CNTNAP2: variants seen among roughly 807,000 people sequenced by gnomAD.
CNTNAP2 encodes contactin associated protein 2.
In CNTNAP2, 98 loss-of-function variants were observed where a neutral mutation model predicts 155.2. That is an observed-to-expected ratio of 0.63 (90% CI 0.54 to 0.75). CNTNAP2 has a LOEUF of 0.75. Among genes scored for constraint, CNTNAP2 ranks in the 30% least tolerant of loss-of-function variants. The pLI is 0.00. For missense variants in CNTNAP2, 1,727 were observed against 1,688.1 expected (o/e 1.02, Z -0.40); for synonymous variants, 651 against 631.2 (o/e 1.03, Z -0.47).
At chr7:147,469,911 G>C (rs1215847320) in intron 10 of CNTNAP2, among the ~76,000 whole-genome samples, 1 of 152,138 alleles carries the variant, frequency 6.6e-6, no homozygotes, top group Non-Finnish European at 1.5e-5. Flanking sequence ...TATCCATGAA[G>C]TTTTGTGGGA....
chr7:147,683,004 T>G (rs948329613), intron 13 of CNTNAP2, among the ~76,000 whole-genome samples: 3 of 151,860 alleles, frequency 2.0e-5, no homozygotes, highest in Admixed American at 1.3e-4. Context: ...TAGGAAGGGC[T>G]CTAATGATCC....
intron 16 of CNTNAP2, among the ~76,000 whole-genome samples, chr7:148,120,385 G>A (rs1804572953): frequency 6.6e-6 from 1 of 151,728 alleles, no homozygotes; most frequent in Non-Finnish European, 1.5e-5. Flanking sequence ...TCCCACCTCA[G>A]CCTCCCAAGT....
intron 13 of CNTNAP2, among the ~76,000 whole-genome samples, chr7:147,774,361 T>C (rs1478755902): frequency 6.6e-6 from 1 of 152,202 alleles, no homozygotes; most frequent in Non-Finnish European, 1.5e-5. Context: ...ATTTGCTTTT[T>C]GGTTCACTAC....
At chr7:146,677,903 A>G (rs1184917606) in intron 1 of CNTNAP2, among the ~76,000 whole-genome samples, 1 of 151,978 alleles carries the variant, frequency 6.6e-6, no homozygotes, top group Non-Finnish European at 1.5e-5. Flanking sequence ...GGAGTGTTGG[A>G]GGGTGAAGGC....
chr7:146,866,265 C>T (rs1795203198), intron 3 of CNTNAP2, among the ~76,000 whole-genome samples: 1 of 151,976 alleles, frequency 6.6e-6, no homozygotes, highest in Admixed American at 6.6e-5. Flanking sequence ...ATGAAAATTC[C>T]AAACCTTTAA....
At chr7:146,234,271 G>C (rs1799434662) in intron 1 of CNTNAP2, among the ~76,000 whole-genome samples, 1 of 152,206 alleles carries the variant, frequency 6.6e-6, no homozygotes, top group African/African-American at 2.4e-5. Context: ...CTTCTTTTGA[G>C]AAGTATCTGT....
At chr7:146,792,075 C>T (rs73170338) in intron 2 of CNTNAP2, among the ~76,000 whole-genome samples, 21,592 of 152,034 alleles carry the variant, frequency 0.14, 1,890 homozygotes, top group South Asian at 0.28. Context: ...ATCCTGTTGC[C>T]GAATGAGAAT....
intron 1 of CNTNAP2, among the ~76,000 whole-genome samples, chr7:146,437,158 G>T (rs1451029091): frequency 2.6e-5 from 4 of 151,306 alleles, no homozygotes; most frequent in Middle Eastern, 3.2e-3. Flanking sequence ...GAGGGATTTA[G>T]GTTGCGCGCT....
intron 18 of CNTNAP2, among the ~76,000 whole-genome samples, chr7:148,184,062 C>A (rs139616858): frequency 1.5e-3 from 234 of 152,214 alleles, no homozygotes; most frequent in African/African-American, 5.5e-3. Context: ...TTTATATGAA[C>A]CTAGTGGACA....
chr7:146,902,123 A>T (rs1796016816), intron 3 of CNTNAP2, among the ~76,000 whole-genome samples: 1 of 151,446 alleles, frequency 6.6e-6, no homozygotes, highest in African/African-American at 2.4e-5. Context: ...TAAACTCGTG[A>T]TCCACCCGTC....
At chr7:147,949,160 A>T (rs1362323129) in intron 14 of CNTNAP2, among the ~76,000 whole-genome samples, 1 of 151,820 alleles carries the variant, frequency 6.6e-6, no homozygotes, top group Non-Finnish European at 1.5e-5. Context: ...GAGAAGAACC[A>T]TTGCACTCCA....
chr7:146,392,509 T>C (rs1795559535), intron 1 of CNTNAP2, among the ~76,000 whole-genome samples: 1 of 152,198 alleles, frequency 6.6e-6, no homozygotes, highest in African/African-American at 2.4e-5. Flanking sequence ...ATTTCTCTTT[T>C]TCGGTTGAAA....
chr7:147,789,845 T>A (rs775805113), intron 13 of CNTNAP2, among the ~76,000 whole-genome samples: 2 of 152,128 alleles, frequency 1.3e-5, no homozygotes, highest in African/African-American at 2.4e-5. Flanking sequence ...TGGACTTACA[T>A]CAGCAGTTTG....
At chr7:147,769,069 T>G (rs1470066217) in intron 13 of CNTNAP2, among the ~76,000 whole-genome samples, 1 of 152,122 alleles carries the variant, frequency 6.6e-6, no homozygotes, top group Non-Finnish European at 1.5e-5. Context: ...CTTAAATGAG[T>G]ACTTTTGGAA....
chr7:148,037,918 C>T (rs1416104333), intron 15 of CNTNAP2, among the ~76,000 whole-genome samples: 1 of 152,120 alleles, frequency 6.6e-6, no homozygotes, highest in Non-Finnish European at 1.5e-5. Flanking sequence ...GGGATATGAC[C>T]CCATTGTAAG....
intron 18 of CNTNAP2, among the ~76,000 whole-genome samples, chr7:148,173,436 A>T (rs1276706808): frequency 1.3e-5 from 2 of 152,216 alleles, no homozygotes; most frequent in Non-Finnish European, 2.9e-5. Flanking sequence ...GACTCTGATG[A>T]ATACATGGAG....
chr7:147,875,232 G>C (rs889600952), intron 13 of CNTNAP2, among the ~76,000 whole-genome samples: 10 of 152,086 alleles, frequency 6.6e-5, no homozygotes, highest in African/African-American at 2.4e-4. Context: ...CCCAAGACTG[G>C]GTAATTTATA....
At chr7:146,434,462 C>G (rs929972004) in intron 1 of CNTNAP2, among the ~76,000 whole-genome samples, 1 of 152,140 alleles carries the variant, frequency 6.6e-6, no homozygotes, top group Admixed American at 6.6e-5. Flanking sequence ...TAAAATTATG[C>G]TTACCCTTTA....
intron 10 of CNTNAP2, among the ~76,000 whole-genome samples, chr7:147,475,181 T>G (rs1258784660): frequency 6.6e-6 from 1 of 152,166 alleles, no homozygotes; most frequent in Non-Finnish European, 1.5e-5. Context: ...ACACAAACAA[T>G]GATGCAATAA....
Sources: allele counts gnomAD v4.1 joint callset (sites outside exome capture counted in the v4.1 genomes callset), GRCh38; gene constraint gnomAD v4.1.1; transcripts MANE v1.5; gene names NCBI Gene and HGNC (gene_info 2026-07-23, HGNC 2026-07-21).